Variants in ZIC5 observed in about 807,000 individuals in gnomAD.
The protein encoded by ZIC5 is Zic family zinc finger 5.
A neutral mutation model predicts 28.5 loss-of-function variants in ZIC5; 20 were observed. The observed-to-expected ratio is 0.70, with a 90% CI of 0.49 to 1.02. The LOEUF (loss-of-function observed/expected upper bound fraction) is 1.02, where lower values mean the gene tolerates loss of function less well. Ranked by LOEUF, ZIC5 falls within the 50% of genes least tolerant of loss-of-function variation. ZIC5 has a pLI of 0.00. For missense variants in ZIC5, 951 were observed against 899.7 expected (o/e 1.06, Z -0.73); for synonymous variants, 488 against 410.4 (o/e 1.19, Z -2.29).
rs775758454 is a variant in ZIC5 at position 99,971,194 on chromosome 13, G to T, written c.410C>A (p.Pro137His). 1.4e-4 allele frequency: 182 copies of T among 1,312,242 alleles called. No individual in the cohort carries two copies. The African/African-American group carries it at 2.5e-3, about 18-fold the overall frequency. 81.3% of individuals were successfully genotyped at this position (1,312,242 alleles called of 1,614,324 possible). A position where few individuals can be genotyped will look rare whatever the true frequency, so the allele number is the denominator to read the frequency against. Residue 137 changes from proline to histidine, a missense_variant, in exon 1 of 2, where the codon CCT becomes CAT. Physicochemically the swap from Pro to His is moderately conservative, Grantham distance 77 (BLOSUM62 -2). Coordinates refer to ENST00000267294, the MANE Select transcript of ZIC5 (RefSeq NM_033132.5). ...PPPAPPLPPT[P>H]SPPPPPPPPP... ...AGGCGGGGGAGGGGGAGGGGGTGAAGGGGTGGGAGGAAGAGGAGGGGCTGG... is the reference window on the plus strand; with the variant it reads ...AGGCGGGGGAGGGGGAGGGGGTGAATGGGTGGGAGGAAGAGGAGGGGCTGG...
At position 99,965,578 on chromosome 13, in the gene ZIC5, G is replaced by A. The variant is rs1346586195; in HGVS notation, c.1719C>T (p.Ala573=). The change falls in exon 2 of 2, where the codon GCC becomes GCT. Residue 573 remains alanine, a synonymous_variant. Coordinates refer to ENST00000267294, the MANE Select transcript of ZIC5 (RefSeq NM_033132.5). ...GYSSVGTPVG[A]PLSPVLDPAR... is the part of the protein sequence containing the mutation. ...CTGGGTCCAGCACAGGGGACAAGGG[G>A]GCGCCCACTGGAGTCCCCACTGATG... 2.5e-6 allele frequency: 4 copies of A among 1,613,966 alleles called. No homozygotes were observed. In the African/African-American group the frequency reaches 4.0e-5, roughly 16 times the overall value.
chr13:99,969,016 A>C (rs1181076279), intron 1 of ZIC5, among the ~76,000 whole-genome samples: 1 of 152,212 alleles, frequency 6.6e-6, no homozygotes, highest in African/African-American at 2.4e-5. Context: ...CGTAAACTCC[A>C]GTTACTTAAG....
rs562061817 is a variant in ZIC5 at position 99,970,258 on chromosome 13, T to C, written c.1346A>G (p.Lys449Arg). Residue 449 changes from lysine to arginine, a missense_variant, in exon 1 of 2, where the codon AAG (lysine) becomes AGG (arginine). By Grantham distance (26) the Lys-to-Arg change is conservative (BLOSUM62 2). This residue lies in a region of ZIC5 where 784 missense variants were observed against 660.1 expected (regional missense o/e 1.19). Transcript: ENST00000267294. Reference sequence around the variant, plus strand: ...GTGGTTGATGAGCTTGTATTTGGCCTTGAAGGGCTTGCCCTCGCGCGGACA... The same window carrying C: ...GTGGTTGATGAGCTTGTATTTGGCCCTGAAGGGCTTGCCCTCGCGCGGACA... ...EDCPREGKPF[K>R]AKYKLINHIR... 4 of 1,613,570 alleles carry C rather than the reference T, an allele frequency of 2.5e-6. No individual in the cohort carries two copies. The highest frequency in any genetic ancestry group is 2.7e-5 in the African/African-American group (2 of 74,846).
At position 99,964,851 on chromosome 13, in the gene ZIC5, G is replaced by C. The variant is rs1291667219; in HGVS notation, c.*526C>G. 2.0e-5 allele frequency: 3 copies of C among 152,220 alleles called. No homozygotes were observed. The East Asian group carries it at 5.8e-4, about 29-fold the overall frequency. 9.4% of individuals were successfully genotyped at this position (152,220 alleles called of 1,614,324 possible). On this transcript the variant is annotated 3_prime_UTR_variant, in exon 2 of 2. Coordinates refer to ENST00000267294, the MANE Select transcript of ZIC5 (RefSeq NM_033132.5). ...GCAGGTGTGTGGTTTACAATCAAGA[G>C]GCCTTGGCAGAATTAGGGTCCAACA...
rs547052423 is a variant in ZIC5 at position 99,968,050 on chromosome 13, G to A, written c.1477+2077C>T. ...AGAGCGCGAGTCGGGCCCGCGGGAC[G>A]GTTATAAACGGGACTGGGGGCACGT... On this transcript the variant is annotated intron_variant, in intron 1 of 1. Transcript: ENST00000267294. Among the ~76,000 whole-genome samples, 920 of 152,330 alleles carry A rather than the reference G, an allele frequency of 6.0e-3. 7 individuals are homozygous for A. Among genetic ancestry groups the A allele is most frequent in the Middle Eastern group, 0.014 (4 of 294 alleles).
intron 1 of ZIC5, among the ~76,000 whole-genome samples, chr13:99,967,124 T>C (rs1409469945): frequency 2.0e-5 from 3 of 152,380 alleles, no homozygotes; most frequent in Admixed American, 1.3e-4. Context: ...CTCAGCTTAG[T>C]GTACATACAT....
In ZIC5 at chr13:99,971,699, T is replaced by C; in HGVS notation, c.-96A>G. ...ATGTATGTATTGGGCGCTCTTTAAC[T>C]TCTTTTGTCCTGGCCTCTTAACTCT... On this transcript the variant is annotated 5_prime_UTR_variant, in exon 1 of 2. Coordinates refer to ENST00000267294, the MANE Select transcript of ZIC5 (RefSeq NM_033132.5). The C allele has an allele frequency of 1.9e-6, 3 of 1,551,372 alleles. No homozygotes were observed. Among genetic ancestry groups the C allele is most frequent in the Non-Finnish European group, 2.6e-6 (3 of 1,147,128 alleles).
chr13:99,964,706 T>C lies in ZIC5; in HGVS notation c.*671A>G, dbSNP rs1464671156. On this transcript the variant is annotated 3_prime_UTR_variant, in exon 2 of 2. Coordinates refer to ENST00000267294, the MANE Select transcript of ZIC5 (RefSeq NM_033132.5). ...GAAGAAATAATCCTGTATAAAAATA[T>C]TGTATTAAGCTAAGATCAGTAATAA... 2 of 152,494 alleles carry C rather than the reference T, an allele frequency of 1.3e-5. No homozygotes were observed. The highest frequency in any genetic ancestry group is 6.6e-5 in the Admixed American group (1 of 15,260). The allele number at this position is 152,494 out of a possible 1,614,324, so 9.4% of individuals were successfully genotyped here.
Position 99,970,467 on chromosome 13 carries a change from G to A in ZIC5, c.1137C>T (p.Pro379=), listed in dbSNP as rs747982491. ...GCGGCGGCAGCCCGGCCAGCTCGTC[G>A]GGGTCGATCCACTTGCAGATGAGCT... ...KQELICKWID[P]DELAGLPPPP... Residue 379 remains proline, a synonymous_variant, in exon 1 of 2, where the codon CCC becomes CCT. Coordinates refer to ENST00000267294, the MANE Select transcript of ZIC5 (RefSeq NM_033132.5). 18 of 1,103,894 alleles carry A rather than the reference G, an allele frequency of 1.6e-5. No homozygotes were observed. The highest frequency in any genetic ancestry group is 1.9e-5 in the Non-Finnish European group (17 of 903,366). The allele number at this position is 1,103,894 out of a possible 1,614,324, so 68.4% of individuals were successfully genotyped here.
Position 99,971,431 on chromosome 13 carries a change from G to C in ZIC5, c.173C>G (p.Ala58Gly). 1 of 1,541,402 alleles carries C rather than the reference G, an allele frequency of 6.5e-7. No individual in the cohort carries two copies. Among genetic ancestry groups the C allele is most frequent in the Non-Finnish European group, 8.7e-7 (1 of 1,144,786 alleles). ...CGGAGTGGTGGCCACGCCGGGGTCAGCGCCCAGGTCCCGCAGGCGGAGGTG... is the reference window on the plus strand; with the variant it reads ...CGGAGTGGTGGCCACGCCGGGGTCACCGCCCAGGTCCCGCAGGCGGAGGTG... ...VAHLRLRDLG[A>G]DPGVATTPLG... Residue 58 changes from alanine to glycine, a missense_variant, in exon 1 of 2, where the codon GCT (alanine) becomes GGT (glycine). Physicochemically the swap from Ala to Gly is moderately conservative, Grantham distance 60 (BLOSUM62 0). Coordinates refer to ENST00000267294, the MANE Select transcript of ZIC5 (RefSeq NM_033132.5).
Position 99,971,426 on chromosome 13 carries a change from G to A in ZIC5, c.178C>T (p.Pro60Ser), listed in dbSNP as rs774512201. ...HLRLRDLGAD[P>S]GVATTPLGPE... is the part of the protein sequence containing the mutation. ...CCGAGCGGAGTGGTGGCCACGCCGGGGTCAGCGCCCAGGTCCCGCAGGCGG... is the reference window on the plus strand; with the variant it reads ...CCGAGCGGAGTGGTGGCCACGCCGGAGTCAGCGCCCAGGTCCCGCAGGCGG... Residue 60 changes from proline (P) to serine (S), a missense_variant, in exon 1 of 2, where the codon CCC becomes TCC. Physicochemically the swap from Pro to Ser is moderately conservative, Grantham distance 74 (BLOSUM62 -1). Coordinates refer to ENST00000267294, the MANE Select transcript of ZIC5 (RefSeq NM_033132.5). 2.0e-6 allele frequency: 3 copies of A among 1,538,388 alleles called. No homozygotes were observed. Among genetic ancestry groups the A allele is most frequent in the South Asian group, 1.2e-5 (1 of 83,084 alleles).
chr13:99,969,486 G>T (rs2053129084), intron 1 of ZIC5, among the ~76,000 whole-genome samples: 1 of 69,644 alleles, frequency 1.4e-5, no homozygotes, highest in Non-Finnish European at 3.9e-5. Context: ...GACGCACGCA[G>T]AAGAAGGTGT....
chr13:99,965,295 T>C lies in ZIC5; in HGVS notation c.*82A>G. On this transcript the variant is annotated 3_prime_UTR_variant, in exon 2 of 2. Transcript: ENST00000267294. Reference sequence around the variant, plus strand: ...GGCAAGTCTGAGTCACGGGTTTGTCTCAGGCTCGGCATTGTCTCAGGTTAG... The same window carrying C: ...GGCAAGTCTGAGTCACGGGTTTGTCCCAGGCTCGGCATTGTCTCAGGTTAG... 7.2e-7 allele frequency: 1 copy of C among 1,394,664 alleles called. No homozygotes were observed. The highest frequency in any genetic ancestry group is 9.7e-7 in the Non-Finnish European group (1 of 1,034,336). The allele number at this position is 1,394,664 out of a possible 1,614,324, so 86.4% of individuals were successfully genotyped here.
In ZIC5 at chr13:99,970,863, G is replaced by C; in HGVS notation, c.741C>G (p.Gly247=). 7.9e-7 allele frequency: 1 copy of C among 1,263,760 alleles called. No homozygotes were observed. The highest frequency in any genetic ancestry group is 9.9e-7 in the Non-Finnish European group (1 of 1,012,496). 78.3% of individuals were successfully genotyped at this position (1,263,760 alleles called of 1,614,324 possible). A position where few individuals can be genotyped will look rare whatever the true frequency, so the allele number is the denominator to read the frequency against. The change falls in exon 1 of 2, where the codon GGC becomes GGG. Residue 247 remains glycine (G), a synonymous_variant. Coordinates refer to ENST00000267294, the MANE Select transcript of ZIC5 (RefSeq NM_033132.5). The stretch of plus-strand genomic sequence containing the variant: ...GGCCGTTGAGCGGGTGCGGGTGGCC[G>C]CCTGGGGCCCCCGGCGTGTCGTGCA... ...PALHDTPGAP[G]GHPHPLNGQM... is the part of the protein sequence containing the mutation.
At chr13:99,967,788 CAG>C (rs1313231598) in intron 1 of ZIC5, among the ~76,000 whole-genome samples, 2 of 152,176 alleles carry the variant, frequency 1.3e-5, no homozygotes, top group Non-Finnish European at 2.9e-5. Context: ...ACGGAGAAAA[CAG>C]AAGAAAACAA....
Position 99,964,676 on chromosome 13 carries a change from A to C in ZIC5, c.*701T>G, listed in dbSNP as rs2053083051. 1 of 152,626 alleles carries C rather than the reference A, an allele frequency of 6.6e-6. No individual in the cohort carries two copies. Among genetic ancestry groups the C allele is most frequent in the Admixed American group, 6.5e-5 (1 of 15,274 alleles). The allele number at this position is 152,626 out of a possible 1,614,324, so 9.5% of individuals were successfully genotyped here. A position where few individuals can be genotyped will look rare whatever the true frequency, so the allele number is the denominator to read the frequency against. ...TCTTTTTTTAAAATCACACAGTAGG[A>C]TACTGAAGAAATAATCCTGTATAAA... On this transcript the variant is annotated 3_prime_UTR_variant, in exon 2 of 2. Coordinates refer to ENST00000267294, the MANE Select transcript of ZIC5 (RefSeq NM_033132.5).
Position 99,964,008 on chromosome 13 carries a change from T to A in ZIC5, c.*1369A>T, listed in dbSNP as rs956371371. The A allele has an allele frequency of 6.6e-6, 1 of 152,666 alleles. No individual in the cohort carries two copies. Among genetic ancestry groups the A allele is most frequent in the African/African-American group, 2.4e-5 (1 of 41,472 alleles). The allele number at this position is 152,666 out of a possible 1,614,324, so 9.5% of individuals were successfully genotyped here. Reference sequence around the variant, plus strand: ...GGAGATGTGTTGTACCAACCGAAAATAAATCGACTAAGAGTTATTGTCCTA... The same window carrying A: ...GGAGATGTGTTGTACCAACCGAAAAAAAATCGACTAAGAGTTATTGTCCTA... On this transcript the variant is annotated 3_prime_UTR_variant, in exon 2 of 2. Transcript: ENST00000267294.
At chr13:99,968,713 G>A (rs934972036) in intron 1 of ZIC5, among the ~76,000 whole-genome samples, 38 of 152,318 alleles carry the variant, frequency 2.5e-4, no homozygotes, top group African/African-American at 8.9e-4. Flanking sequence ...GCACAGGAGC[G>A]AGCAGCCGGC....
intron 1 of ZIC5, among the ~76,000 whole-genome samples, chr13:99,969,769 C>T (rs773850112): frequency 2.9e-4 from 44 of 152,142 alleles, no homozygotes; most frequent in Non-Finnish European, 5.0e-4. Context: ...GACTGCCGAC[C>T]GTCCTGGGCG....
Sources: gnomAD v4.1 joint callset for allele counts (sites outside exome capture counted in the v4.1 genomes callset) on GRCh38, gnomAD v4.1.1 for gene constraint, gnomAD v4.1.1 regional missense constraint, MANE v1.5 for transcripts, NCBI Gene and HGNC (gene_info 2026-07-23, HGNC 2026-07-21) for gene names.